The following SLC22A24 variants were observed in gnomAD, a reference collection of about 807,000 sequenced individuals.
The protein encoded by SLC22A24 is solute carrier family 22 member 24, also known as steroid transmembrane transporter SLC22A24.
SLC22A24 carries 53 observed loss-of-function variants against 49.8 expected under a neutral mutation model. That is an observed-to-expected ratio of 1.06 (90% CI 0.85 to 1.34). The LOEUF (loss-of-function observed/expected upper bound fraction) is 1.34, where lower values mean the gene tolerates loss of function less well. Ranked by LOEUF, SLC22A24 falls within the 40% of genes most tolerant of loss-of-function variation. SLC22A24 has a pLI of 0.00. For synonymous variants in SLC22A24, 302 were observed against 256.4 expected, an observed-to-expected ratio of 1.18 and a Z score of -1.70; for missense variants, 786 against 675.9, an observed-to-expected ratio of 1.16 and a Z score of -1.81.
chr11:63,106,096 A>G (rs1590736109), intron 4 of SLC22A24, among the ~76,000 whole-genome samples: 1 of 80,290 alleles, frequency 1.2e-5, no homozygotes, highest in African/African-American at 5.1e-5. Context: ...CCCACCCCAC[A>G]ACAGTCCCCG....
At chr11:63,133,619 A>T (rs748109651) in intron 2 of SLC22A24, among the ~76,000 whole-genome samples, 3 of 151,892 alleles carry the variant, frequency 2.0e-5, no homozygotes, top group African/African-American at 4.8e-5. Flanking sequence ...TCCTCAAGCA[A>T]AGTCATCCTA....
rs1407867541 is a variant in SLC22A24, at chr11:63,144,074, C to G, written c.-295G>C. ...AACTGAATCTTCTTAAAAGACTACT[C>G]TGTGAAAGATCCTGATCTCTGAGTT... On this transcript the variant is annotated 5_prime_UTR_variant, in exon 1 of 10. Transcript: ENST00000612278. The G allele has an allele frequency of 4.1e-6, 1 of 242,512 alleles. No homozygotes were observed. The highest frequency in any genetic ancestry group is 7.9e-6 in the Non-Finnish European group (1 of 126,880). 15.0% of individuals were successfully genotyped at this position (242,512 alleles called of 1,614,324 possible). A position where few individuals can be genotyped will look rare whatever the true frequency, so the allele number is the denominator to read the frequency against.
At chr11:63,128,499 C>T (rs201802826) in intron 2 of SLC22A24, among the ~76,000 whole-genome samples, 15 of 152,270 alleles carry the variant, frequency 9.9e-5, no homozygotes, top group East Asian at 7.7e-4. Flanking sequence ...TGCAGTTATC[C>T]GGAGGCCTAA....
At chr11:63,120,316 G>T (rs2087242545) in intron 2 of SLC22A24, among the ~76,000 whole-genome samples, 1 of 105,550 alleles carries the variant, frequency 9.5e-6, no homozygotes, top group Non-Finnish European at 1.8e-5. Flanking sequence ...GGTGGGGGGA[G>T]GGGGGAGGGA....
chr11:63,108,763 G>A (rs2087140003), intron 4 of SLC22A24, among the ~76,000 whole-genome samples: 1 of 151,382 alleles, frequency 6.6e-6, no homozygotes, highest in Non-Finnish European at 1.5e-5. Flanking sequence ...GCATTTCTGT[G>A]GGATCAGTGG....
At position 63,104,292 on chromosome 11, in the gene SLC22A24, C is replaced by T. The variant is rs925049401; in HGVS notation, c.837G>A (p.Met279Ile). 4 of 1,548,408 alleles carry T rather than the reference C, an allele frequency of 2.6e-6. No individual in the cohort carries two copies. The Admixed American group carries it at 5.9e-5, about 23-fold the overall frequency. The change falls in exon 5 of 10, where the codon ATG (methionine) becomes ATA (isoleucine). Residue 279 changes from methionine (M) to isoleucine (I), a missense_variant. By Grantham distance (10) the Met-to-Ile change is conservative. Transcript: ENST00000612278. ...TAATCAGCCACCGAGCAGACTCCAC[C>T]ATCTTCCTGATGAAAGAAGACAACA... The part of the protein sequence containing the change: ...IIVLFLSSWK[M>I]VESARWLIIN...
chr11:63,118,897 G>A lies in SLC22A24; in HGVS notation c.830+15C>T, dbSNP rs1476733934. On this transcript the variant is annotated intron_variant, in intron 4 of 9. Transcript: ENST00000612278. ...AGCCTCGCTTACAGGCAAAGAATGT[G>A]GAGATTGTTCATACCAAGAGGACAA... 6.4e-7 allele frequency: 1 copy of A among 1,551,700 alleles called. No homozygotes were observed. Among genetic ancestry groups the A allele is most frequent in the East Asian group, 2.4e-5 (1 of 40,922 alleles).
chr11:63,139,374 G>A (rs1453214786), intron 1 of SLC22A24, among the ~76,000 whole-genome samples: 1 of 152,140 alleles, frequency 6.6e-6, no homozygotes, highest in Non-Finnish European at 1.5e-5. Flanking sequence ...TTCGCATTGT[G>A]TCATCTGACA....
At chr11:63,113,021 A>G (rs1336297060) in intron 4 of SLC22A24, among the ~76,000 whole-genome samples, 1 of 57,554 alleles carries the variant, frequency 1.7e-5, no homozygotes, top group Non-Finnish European at 3.1e-5. Context: ...CAAAAAAAAA[A>G]AAAAAAAAAA....
At chr11:63,129,150 G>T (rs888792510) in intron 2 of SLC22A24, among the ~76,000 whole-genome samples, 4 of 152,134 alleles carry the variant, frequency 2.6e-5, no homozygotes, top group African/African-American at 9.7e-5. Flanking sequence ...GTTAATTTTT[G>T]TATAAGGTGT....
chr11:63,111,290 G>A (rs2087162115), intron 4 of SLC22A24, among the ~76,000 whole-genome samples: 1 of 152,032 alleles, frequency 6.6e-6, no homozygotes, highest in Non-Finnish European at 1.5e-5. Context: ...TGTTCATCAA[G>A]GGTATTGGTC....
At chr11:63,100,536 T>G (rs1053321681) in intron 5 of SLC22A24, among the ~76,000 whole-genome samples, 1 of 152,096 alleles carries the variant, frequency 6.6e-6, no homozygotes, top group South Asian at 2.1e-4. Context: ...AATGATATTC[T>G]TCACAGAAAT....
At position 63,143,410 on chromosome 11, in the gene SLC22A24, T is replaced by C. The variant is rs2087428981; in HGVS notation, c.370A>G (p.Arg124Gly). ...EPCVDGWVYD[R>G]SSFLSTIVTE... ...ACGATGGTGGAGAGGAAAGAGCTTC[T>C]GTCGTACACCCAGCCATCCACACAG... Residue 124 changes from arginine to glycine, a missense_variant, in exon 1 of 10, where the codon AGA (arginine) becomes GGA (glycine). Physicochemically the swap from Arg to Gly is moderately radical, Grantham distance 125 (BLOSUM62 -2). Coordinates refer to ENST00000612278, the MANE Select transcript of SLC22A24 (RefSeq NM_001136506.2). 2.7e-6 allele frequency: 4 copies of C among 1,496,436 alleles called. No individual in the cohort carries two copies. In the African/African-American group the frequency reaches 4.3e-5, roughly 16 times the overall value. The allele number at this position is 1,496,436 out of a possible 1,614,324, so 92.7% of individuals were successfully genotyped here.
At chr11:63,089,901 G>A (rs1028401759) in intron 6 of SLC22A24, among the ~76,000 whole-genome samples, 1 of 151,830 alleles carries the variant, frequency 6.6e-6, no homozygotes, top group Non-Finnish European at 1.5e-5. Context: ...CTAACACGGT[G>A]AAACCCCGTC....
At chr11:63,110,118 T>TG (rs1291598641) in intron 4 of SLC22A24, among the ~76,000 whole-genome samples, 2 of 151,756 alleles carry the variant, frequency 1.3e-5, no homozygotes, top group African/African-American at 4.8e-5. Context: ...CTTTCCCCAT[T>TG]GCTTGTTTTT....
At chr11:63,133,595 C>A (rs958235849) in intron 2 of SLC22A24, among the ~76,000 whole-genome samples, 2 of 152,082 alleles carry the variant, frequency 1.3e-5, no homozygotes, top group Non-Finnish European at 2.9e-5. Flanking sequence ...ACAAAGGAAT[C>A]CCCAAACATC....
chr11:63,100,883 A>T (rs2087086276), intron 5 of SLC22A24, among the ~76,000 whole-genome samples: 1 of 152,018 alleles, frequency 6.6e-6, no homozygotes, highest in African/African-American at 2.4e-5. Context: ...CTCACCATAT[A>T]AAAAATCAAA....
chr11:63,100,563 A>G (rs1565327214), intron 5 of SLC22A24, among the ~76,000 whole-genome samples: 1 of 152,186 alleles, frequency 6.6e-6, no homozygotes, highest in Non-Finnish European at 1.5e-5. Flanking sequence ...AATAGTCTTA[A>G]TGTTTTAGTG....
intron 6 of SLC22A24, among the ~76,000 whole-genome samples, chr11:63,094,768 A>G (rs558521138): frequency 6.6e-6 from 1 of 152,218 alleles, no homozygotes; most frequent in Non-Finnish European, 1.5e-5. Flanking sequence ...TTTTGGCTGC[A>G]TAAATGTCTT....
Sources: gnomAD v4.1 joint callset for allele counts (sites outside exome capture counted in the v4.1 genomes callset) on GRCh38, gnomAD v4.1.1 for gene constraint, MANE v1.5 for transcripts, NCBI Gene and HGNC (gene_info 2026-07-23, HGNC 2026-07-21) for gene names.